MET: variants seen among roughly 807,000 people sequenced by gnomAD.
The protein encoded by MET is MET proto-oncogene, receptor tyrosine kinase.
In MET, 48 loss-of-function variants were observed where a neutral mutation model predicts 133.1. The ratio of observed to expected loss-of-function variants is 0.36; its 90% CI spans 0.29 to 0.46. The LOEUF is 0.46. Among genes scored for constraint, MET ranks in the 20% least tolerant of loss-of-function variants. The pLI is 1.00. For synonymous variants in MET, 628 were observed against 616.5 expected, an observed-to-expected ratio of 1.02 and a Z score of -0.28; for missense variants, 1,442 against 1,695.9, an observed-to-expected ratio of 0.85 and a Z score of 2.63.
At chr7:116,794,234 A>C (rs543948036) in intron 19 of MET, among the ~76,000 whole-genome samples, 1 of 151,954 alleles carries the variant, frequency 6.6e-6, no homozygotes, top group East Asian at 1.9e-4. Context: ...ACAGTAACCT[A>C]CTCGTATGTG....
chr7:116,739,538 A>G (rs1793364507), intron 3 of MET, among the ~76,000 whole-genome samples: 1 of 152,244 alleles, frequency 6.6e-6, no homozygotes, highest in Non-Finnish European at 1.5e-5. Flanking sequence ...TAACCATTAC[A>G]TCAAGGGAAA....
intron 1 of MET, among the ~76,000 whole-genome samples, chr7:116,678,272 T>C (rs1267096845): frequency 2.0e-5 from 3 of 152,178 alleles, no homozygotes; most frequent in African/African-American, 7.2e-5. Context: ...TTCTTCCTAC[T>C]ATTTTAAATG....
At chr7:116,737,288 A>T (rs1793252678) in intron 3 of MET, among the ~76,000 whole-genome samples, 1 of 152,264 alleles carries the variant, frequency 6.6e-6, no homozygotes. Flanking sequence ...CTATGCCCTC[A>T]AAAACTAGTT....
chr7:116,792,456 G>GACACACACACACACACAC (rs56212730), intron 19 of MET, among the ~76,000 whole-genome samples: 34 of 80,734 alleles, frequency 4.2e-4, no homozygotes, highest in South Asian at 1.1e-3. Context: ...TCAACCGACA[G>GACACACACACACACACAC]ACACACACAC....
At chr7:116,731,930 C>G (rs1793025135) in intron 3 of MET, 71 bp downstream of exon 3, 2 of 1,498,914 alleles carry the variant, frequency 1.3e-6, no homozygotes, top group Admixed American at 3.4e-5. Context: ...TTCGTTTTTG[C>G]AGTAAGGTAT....
At chr7:116,698,021 G>T (rs1471124167) in intron 1 of MET, among the ~76,000 whole-genome samples, 1 of 152,096 alleles carries the variant, frequency 6.6e-6, no homozygotes, top group African/African-American at 2.4e-5. Context: ...TTAGTCTTTG[G>T]CAGTCATGAT....
chr7:116,764,490 G>A (rs913684822), intron 11 of MET, among the ~76,000 whole-genome samples: 3 of 151,640 alleles, frequency 2.0e-5, no homozygotes, highest in African/African-American at 7.3e-5. Context: ...TGATAACAAA[G>A]GTTTATGTGC....
In MET at chr7:116,798,104, G is replaced by A. The variant is rs1795732582; in HGVS notation, c.*1980G>A. 2 of 221,016 alleles carry A rather than the reference G, an allele frequency of 9.0e-6. No individual in the cohort carries two copies. Among genetic ancestry groups the A allele is most frequent in the South Asian group, 3.7e-4 (2 of 5,404 alleles). The allele number at this position is 221,016 out of a possible 1,614,324, so 13.7% of individuals were successfully genotyped here. Reference sequence around the variant, plus strand: ...AGAACTGTCTCTACCAGGGTCAAGAGCATGAACGCATCAATAGAAAGAACT... The same window carrying A: ...AGAACTGTCTCTACCAGGGTCAAGAACATGAACGCATCAATAGAAAGAACT... On this transcript the variant is annotated 3_prime_UTR_variant, in exon 21 of 21. Coordinates refer to ENST00000397752, the MANE Select transcript of MET (RefSeq NM_000245.4).
At chr7:116,675,331 C>T (rs1796118285) in intron 1 of MET, among the ~76,000 whole-genome samples, 2 of 152,304 alleles carry the variant, frequency 1.3e-5, no homozygotes, top group African/African-American at 4.8e-5. Flanking sequence ...ACAAATATCA[C>T]ATATTAAATG....
chr7:116,699,694 T>C lies in MET; in HGVS notation c.610T>C (p.Ser204Pro), dbSNP rs1791492133. ...CTTTGTAGGCAATACCATAAATTCT[T>C]CTTATTTCCCAGATCATCCATTGCA... ...NFFVGNTINSSYFPDHPLHSI... is the reference protein window; with the variant it reads ...NFFVGNTINSPYFPDHPLHSI... Residue 204 changes from serine (S) to proline (P), a missense_variant, in exon 2 of 21, where the codon TCT becomes CCT. Ser to Pro is a moderately conservative substitution (Grantham distance 74). Around this residue, in one of 6 missense-constraint regions of MET, gnomAD observed 762 missense variants for 792.4 expected, o/e 0.96. Transcript: ENST00000397752. 1 of 1,614,054 alleles carries C rather than the reference T, an allele frequency of 6.2e-7. No individual in the cohort carries two copies. Among genetic ancestry groups the C allele is most frequent in the Admixed American group, 1.7e-5 (1 of 60,016 alleles).
rs587780738 is a variant in MET, at chr7:116,699,723, G to C, written c.639G>C (p.Ser213=). The change falls in exon 2 of 21, where the codon TCG becomes TCC. Residue 213 remains serine (S), a synonymous_variant. Transcript: ENST00000397752. ...SSYFPDHPLH[S]ISVRRLKETK... ...ATTTCCCAGATCATCCATTGCATTC[G>C]ATATCAGTGAGAAGGCTAAAGGAAA... 6.2e-7 allele frequency: 1 copy of C among 1,614,032 alleles called. No individual in the cohort carries two copies. Among genetic ancestry groups the C allele is most frequent in the Non-Finnish European group, 8.5e-7 (1 of 1,179,966 alleles).
intron 1 of MET, among the ~76,000 whole-genome samples, chr7:116,691,946 G>A (rs924885354): frequency 6.6e-6 from 1 of 152,188 alleles, no homozygotes; most frequent in Non-Finnish European, 1.5e-5. Context: ...CCAGGAGATA[G>A]GAGAGGGAGA....
Position 116,740,834 on chromosome 7 carries a change from C to T in MET, c.1528-18C>T, listed in dbSNP as rs1793416384. The T allele has an allele frequency of 6.2e-7, 1 of 1,613,628 alleles. No homozygotes were observed. The highest frequency in any genetic ancestry group is 8.5e-7 in the Non-Finnish European group (1 of 1,179,948). On this transcript the variant is annotated intron_variant, in intron 4 of 20. Coordinates refer to ENST00000397752, the MANE Select transcript of MET (RefSeq NM_000245.4). The stretch of plus-strand genomic sequence containing the variant: ...TAGATACCCCTCTGGAAGCTCTTTC[C>T]ACCCCTTCTCTTCACAGATCACGAA...
intron 1 of MET, among the ~76,000 whole-genome samples, chr7:116,697,228 T>C (rs1441664087): frequency 6.6e-6 from 1 of 152,228 alleles, no homozygotes. Flanking sequence ...TTTTGCACTG[T>C]GTTTGATATA....
rs539465146 is a variant in MET at position 116,681,338 on chromosome 7, A to G, written c.-15+8761A>G. On this transcript the variant is annotated intron_variant, in intron 1 of 20. Transcript: ENST00000397752. ...ACTCAGGCAAATTTATAAAGGTTTT[A>G]CACCATTTTCATGACTGAAATATTC... Among the ~76,000 whole-genome samples the G allele has an allele frequency of 3.4e-5, 5 of 145,232 alleles. No individual in the cohort carries two copies. The South Asian group carries it at 1.0e-3, about 30-fold the overall frequency.
At chr7:116,684,169 T>C (rs1005370380) in intron 1 of MET, among the ~76,000 whole-genome samples, 5 of 152,384 alleles carry the variant, frequency 3.3e-5, no homozygotes, top group Admixed American at 2.0e-4. Flanking sequence ...ATAGACAATT[T>C]TTTAGCCATT....
intron 15 of MET, 152 bp downstream of exon 15, chr7:116,775,263 G>A (rs917145826): frequency 3.8e-6 from 3 of 781,640 alleles, no homozygotes; most frequent in Non-Finnish European, 6.5e-6. Flanking sequence ...TAGAAATGTA[G>A]CCCTGTAAAT....
In MET at chr7:116,757,699, C is replaced by T; in HGVS notation, c.2027C>T (p.Thr676Ile). 1.2e-6 allele frequency: 2 copies of T among 1,613,894 alleles called. No homozygotes were observed. The highest frequency in any genetic ancestry group is 1.7e-6 in the Non-Finnish European group (2 of 1,179,912). Residue 676 changes from threonine to isoleucine, a missense_variant, in exon 8 of 21, where the codon ACT (threonine) becomes ATT (isoleucine). Thr to Ile is a moderately conservative substitution (Grantham distance 89). Around this residue, in one of 6 missense-constraint regions of MET, gnomAD observed 514 missense variants for 659.6 expected, o/e 0.78. Transcript: ENST00000397752. ...YGPMAGGTLL[T>I]LTGNYLNSGN... ...CCTATGGCTGGTGGCACTTTACTTACTTTAACTGGAAATTACCTAAACAGT... is the reference window on the plus strand; with the variant it reads ...CCTATGGCTGGTGGCACTTTACTTATTTTAACTGGAAATTACCTAAACAGT...
chr7:116,775,363 G>A (rs1421290095), intron 15 of MET, among the ~76,000 whole-genome samples: 1 of 152,280 alleles, frequency 6.6e-6, no homozygotes, highest in East Asian at 1.9e-4. Flanking sequence ...TCCTCGTCCT[G>A]TGTGTACTAG....
Sources: gnomAD v4.1 joint callset for allele counts (sites outside exome capture counted in the v4.1 genomes callset) on GRCh38, gnomAD v4.1.1 for gene constraint, gnomAD v4.1.1 regional missense constraint, MANE v1.5 for transcripts, NCBI Gene and HGNC (gene_info 2026-07-23, HGNC 2026-07-21) for gene names.